THRB: variants seen among roughly 807,000 people sequenced by gnomAD.
THRB encodes the protein thyroid hormone receptor beta.
A neutral mutation model predicts 47.8 loss-of-function variants in THRB; 12 were observed. The observed-to-expected ratio is 0.25, with a 90% confidence interval of 0.16 to 0.41. THRB has a LOEUF of 0.41. Ranked by LOEUF, THRB falls within the 10% of genes least tolerant of loss-of-function variation. The pLI, the probability that THRB is intolerant of heterozygous loss-of-function variation, is 1.00. For missense variants in THRB, 348 were observed against 589.2 expected (o/e 0.59, Z 4.24); for synonymous variants, 218 against 212.2 (o/e 1.03, Z -0.24).
At chr3:24,478,293 T>C (rs1446141941) in intron 1 of THRB, among the ~76,000 whole-genome samples, 3 of 152,140 alleles carry the variant, frequency 2.0e-5, no homozygotes, top group Non-Finnish European at 2.9e-5. Flanking sequence ...TTTTTGTAAG[T>C]ATCTGGAGGG....
At chr3:24,285,082 G>C (rs1268776662) in intron 3 of THRB, among the ~76,000 whole-genome samples, 1 of 151,734 alleles carries the variant, frequency 6.6e-6, no homozygotes, top group African/African-American at 2.4e-5. Context: ...CCATTACTGG[G>C]TATATACCCA....
intron 2 of THRB, among the ~76,000 whole-genome samples, chr3:24,307,371 C>G (rs1230470666): frequency 6.6e-6 from 1 of 151,872 alleles, no homozygotes; most frequent in African/African-American, 2.4e-5. Flanking sequence ...TTCTTATTTC[C>G]TTTAGTTTTT....
intron 10 of THRB, among the ~76,000 whole-genome samples, chr3:24,124,137 G>A (rs1285934526): frequency 6.6e-6 from 1 of 152,180 alleles, no homozygotes; most frequent in Non-Finnish European, 1.5e-5. Flanking sequence ...TGAGGTGTCT[G>A]TATCAATAGG....
intron 3 of THRB, among the ~76,000 whole-genome samples, chr3:24,284,344 T>G (rs1261513286): frequency 6.6e-6 from 1 of 151,326 alleles, no homozygotes; most frequent in Non-Finnish European, 1.5e-5. Context: ...GATTCCCTAT[T>G]TAATCAATGG....
At chr3:24,260,357 T>C (rs945023437) in intron 3 of THRB, among the ~76,000 whole-genome samples, 1 of 152,142 alleles carries the variant, frequency 6.6e-6, no homozygotes, top group Non-Finnish European at 1.5e-5. Flanking sequence ...TAGACATGAC[T>C]CTCACCAGGA....
intron 10 of THRB, among the ~76,000 whole-genome samples, chr3:24,127,025 A>C (rs1006530469): frequency 2.6e-5 from 4 of 152,226 alleles, no homozygotes; most frequent in Non-Finnish European, 5.9e-5. Context: ...TTGGATGTTT[A>C]AGCCACTAAG....
chr3:24,241,679 A>G (rs890364697), intron 3 of THRB, among the ~76,000 whole-genome samples: 1 of 152,098 alleles, frequency 6.6e-6, no homozygotes, highest in African/African-American at 2.4e-5. Flanking sequence ...TTTCTAGTGG[A>G]CTTCTGTATT....
At chr3:24,188,858 A>AATATAT (rs34740399) in intron 5 of THRB, among the ~76,000 whole-genome samples, 1,329 of 94,278 alleles carry the variant, frequency 0.014, 119 homozygotes, top group African/African-American at 0.045. Flanking sequence ...GATCTCCTCA[A>AATATAT]ATATATATAT....
intron 2 of THRB, among the ~76,000 whole-genome samples, chr3:24,326,785 G>C (rs1191478705): frequency 2.6e-5 from 1 of 38,842 alleles, no homozygotes; most frequent in Non-Finnish European, 3.8e-5. Context: ...TTTTTTTTGA[G>C]ATGGAGTTTT....
intron 1 of THRB, among the ~76,000 whole-genome samples, chr3:24,403,551 G>A (rs1434744698): frequency 6.6e-6 from 1 of 151,866 alleles, no homozygotes; most frequent in Non-Finnish European, 1.5e-5. Context: ...TGCACTGTTG[G>A]TAAAAGCAGT....
chr3:24,150,981 T>C (rs2036834745), intron 6 of THRB, among the ~76,000 whole-genome samples: 1 of 152,240 alleles, frequency 6.6e-6, no homozygotes, highest in African/African-American at 2.4e-5. Flanking sequence ...TCTGCAAGTC[T>C]CTAATTAATA....
intron 1 of THRB, among the ~76,000 whole-genome samples, chr3:24,424,046 GT>G (rs368231924): frequency 1.4e-4 from 22 of 151,880 alleles, no homozygotes; most frequent in African/African-American, 5.3e-4. Flanking sequence ...GAGGACTTCA[GT>G]TTTTTAATTT....
chr3:24,376,399 G>A (rs1047717157), intron 1 of THRB, among the ~76,000 whole-genome samples: 2 of 152,116 alleles, frequency 1.3e-5, no homozygotes, highest in South Asian at 4.1e-4. Context: ...TGGCAGATAT[G>A]GTAGGAATTT....
At chr3:24,318,750 G>A (rs1249714249) in intron 2 of THRB, among the ~76,000 whole-genome samples, 3 of 152,228 alleles carry the variant, frequency 2.0e-5, no homozygotes, top group Non-Finnish European at 2.9e-5. Flanking sequence ...GCCTATGGTA[G>A]CAATGTTGGG....
intron 1 of THRB, among the ~76,000 whole-genome samples, chr3:24,344,611 A>G (rs539099370): frequency 6.6e-6 from 1 of 152,220 alleles, no homozygotes; most frequent in East Asian, 1.9e-4. Flanking sequence ...AATTCCCAGC[A>G]GTAATTATTT....
Position 24,185,487 on chromosome 3 carries a change from G to A in THRB, c.283+4587C>T, listed in dbSNP as rs117370964. On this transcript the variant is annotated intron_variant, in intron 5 of 10. Transcript: ENST00000646209. ...GAACATATATAGGCTTTTATAATGA[G>A]AGGAAGTAACTTGTTCTTAAAATTA... Among the ~76,000 whole-genome samples, 168 of 152,248 alleles carry A rather than the reference G, an allele frequency of 1.1e-3. 4 individuals are homozygous for A. In the East Asian group the frequency reaches 0.027, roughly 25 times the overall value.
At chr3:24,301,277 C>A (rs1222989804) in intron 2 of THRB, among the ~76,000 whole-genome samples, 1 of 152,142 alleles carries the variant, frequency 6.6e-6, no homozygotes, top group African/African-American at 2.4e-5. Flanking sequence ...GTTACTGCAG[C>A]CCTAGGAAAC....
At chr3:24,199,748 G>A (rs1458331370) in intron 4 of THRB, among the ~76,000 whole-genome samples, 1 of 152,166 alleles carries the variant, frequency 6.6e-6, no homozygotes, top group Non-Finnish European at 1.5e-5. Context: ...TATAGAGGAT[G>A]CTTATTAATC....
At chr3:24,432,173 G>A (rs984165800) in intron 1 of THRB, among the ~76,000 whole-genome samples, 4 of 151,938 alleles carry the variant, frequency 2.6e-5, no homozygotes, top group African/African-American at 9.7e-5. Flanking sequence ...GTTATAAGAT[G>A]TACATTTATT....
Sources: allele counts gnomAD v4.1 joint callset (sites outside exome capture counted in the v4.1 genomes callset), GRCh38; gene constraint gnomAD v4.1.1; transcripts MANE v1.5; gene names NCBI Gene and HGNC (gene_info 2026-07-23, HGNC 2026-07-21).